Variants in TINAG observed in about 807,000 individuals in gnomAD.
TINAG encodes the protein tubulointerstitial nephritis antigen.
TINAG carries 83 observed loss-of-function variants against 72.7 expected under a neutral mutation model. That is an observed-to-expected ratio of 1.14 (90% CI 0.96 to 1.37). The LOEUF (loss-of-function observed/expected upper bound fraction) is 1.37, where lower values mean the gene tolerates loss of function less well. Ranked by LOEUF, TINAG falls within the 40% of genes most tolerant of loss-of-function variation. The probability of loss-of-function intolerance (pLI) is 0.00; values close to 1 mark genes in which losing one functional copy is unlikely to be tolerated. For missense variants in TINAG, 685 were observed against 576.6 expected, an observed-to-expected ratio of 1.19 and a Z score of -1.93; for synonymous variants, 234 against 189.9, an observed-to-expected ratio of 1.23 and a Z score of -1.91.
At chr6:54,371,205 T>C (rs573497547) in intron 9 of TINAG, among the ~76,000 whole-genome samples, 7 of 151,872 alleles carry the variant, frequency 4.6e-5, no homozygotes, top group Non-Finnish European at 1.0e-4. Flanking sequence ...TGTGAAGGAA[T>C]GCTTTATAGC....
intron 10 of TINAG, among the ~76,000 whole-genome samples, chr6:54,381,493 T>C (rs779452045): frequency 6.6e-6 from 1 of 152,046 alleles, no homozygotes; most frequent in Non-Finnish European, 1.5e-5. Flanking sequence ...AGAATGACTC[T>C]TGGTATATTT....
chr6:54,384,841 A>T (rs1446107563), intron 10 of TINAG, among the ~76,000 whole-genome samples: 1 of 152,210 alleles, frequency 6.6e-6, no homozygotes, highest in Non-Finnish European at 1.5e-5. Context: ...GCTTTATGTC[A>T]TTGAAATTCA....
intron 9 of TINAG, among the ~76,000 whole-genome samples, chr6:54,356,813 G>A (rs760928379): frequency 6.6e-6 from 1 of 151,062 alleles, no homozygotes; most frequent in Admixed American, 6.6e-5. Flanking sequence ...TAGACTCCAG[G>A]CCCTCTTAGC....
In TINAG at chr6:54,390,123, C is replaced by T. The variant is rs1319783049; in HGVS notation, c.*198C>T. On this transcript the variant is annotated 3_prime_UTR_variant, in exon 11 of 11. Transcript: ENST00000259782. ...GAGCATTAACAACACCAATAAAGGA[C>T]AGCAGAGTCCCTAAATGTCTTTAAA... The T allele has an allele frequency of 1.1e-5, 7 of 649,278 alleles. No homozygotes were observed. Among genetic ancestry groups the T allele is most frequent in the African/African-American group, 7.7e-5 (4 of 51,802 alleles). 40.2% of individuals were successfully genotyped at this position (649,278 alleles called of 1,614,324 possible). A position where few individuals can be genotyped will look rare whatever the true frequency, so the allele number is the denominator to read the frequency against.
intron 9 of TINAG, among the ~76,000 whole-genome samples, chr6:54,369,137 G>A (rs1763527948): frequency 6.6e-6 from 1 of 151,848 alleles, no homozygotes; most frequent in South Asian, 2.1e-4. Flanking sequence ...AAGAAAATTT[G>A]AAACATGAGC....
intron 9 of TINAG, among the ~76,000 whole-genome samples, chr6:54,375,565 C>A (rs914245338): frequency 4.6e-5 from 7 of 152,136 alleles, no homozygotes; most frequent in African/African-American, 1.7e-4. Flanking sequence ...AATTGGCCAA[C>A]AAATTCCATC....
intron 7 of TINAG, among the ~76,000 whole-genome samples, chr6:54,350,962 T>C (rs139811981): frequency 6.6e-6 from 1 of 151,942 alleles, no homozygotes; most frequent in Non-Finnish European, 1.5e-5. Flanking sequence ...AGGGCTTCAT[T>C]AAACATTAGG....
At chr6:54,313,726 A>G (rs193077335) in intron 1 of TINAG, among the ~76,000 whole-genome samples, 272 of 152,236 alleles carry the variant, frequency 1.8e-3, no homozygotes, top group Non-Finnish European at 2.4e-3. Context: ...TTTAAATTTT[A>G]TTTCAAATTT....
At position 54,354,527 on chromosome 6, in the gene TINAG, C is replaced by T. The variant is rs754165258; in HGVS notation, c.1141C>T (p.Arg381Cys). ...NGPVQAIMQV[R>C]EDFFHYKTGI... ...TTTTATTTTAGCCATAATGCAAGTC[C>T]GTGAAGATTTCTTCCATTATAAGAC... Residue 381 changes from arginine to cysteine, a missense_variant, in exon 9 of 11, where the codon CGT becomes TGT. By Grantham distance (180) the Arg-to-Cys change is radical (BLOSUM62 -3). Transcript: ENST00000259782. The T allele has an allele frequency of 1.1e-5, 18 of 1,604,260 alleles. No homozygotes were observed. In the East Asian group the frequency reaches 1.8e-4, roughly 16 times the overall value.
At chr6:54,380,419 C>T in intron 9 of TINAG, 107 bp from the exon 10 acceptor site, 1 of 873,420 alleles carries the variant, frequency 1.1e-6, no homozygotes, top group Non-Finnish European at 1.8e-6. Context: ...CAGGATGGGA[C>T]AGAGAGAAAG....
At chr6:54,364,252 G>T (rs1188235439) in intron 9 of TINAG, among the ~76,000 whole-genome samples, 1 of 151,406 alleles carries the variant, frequency 6.6e-6, no homozygotes, top group Non-Finnish European at 1.5e-5. Context: ...CTGCTCATCT[G>T]TATGCAAAGA....
At chr6:54,377,726 A>G (rs965639447) in intron 9 of TINAG, among the ~76,000 whole-genome samples, 5 of 152,100 alleles carry the variant, frequency 3.3e-5, no homozygotes, top group Non-Finnish European at 7.4e-5. Flanking sequence ...GTGAAAATAT[A>G]TGCATATTTC....
At chr6:54,349,264 A>G (rs1785203243) in intron 6 of TINAG, among the ~76,000 whole-genome samples, 1 of 151,990 alleles carries the variant, frequency 6.6e-6, no homozygotes, top group Admixed American at 6.6e-5. Flanking sequence ...ACAAAACAAA[A>G]TAAAAACTTT....
intron 8 of TINAG, among the ~76,000 whole-genome samples, chr6:54,352,318 G>T (rs1207291513): frequency 2.0e-5 from 3 of 151,728 alleles, no homozygotes; most frequent in Non-Finnish European, 2.9e-5. Context: ...CAGGAATCAT[G>T]GATTTTATAA....
chr6:54,389,616 A>C (rs1024524024), intron 10 of TINAG, among the ~76,000 whole-genome samples, 175 bp from the exon 11 acceptor site: 1 of 152,198 alleles, frequency 6.6e-6, no homozygotes, highest in African/African-American at 2.4e-5. Flanking sequence ...TCATTCCTGC[A>C]TATTAGTGTA....
intron 9 of TINAG, among the ~76,000 whole-genome samples, chr6:54,362,672 A>G (rs1048685662): frequency 6.6e-6 from 1 of 151,624 alleles, no homozygotes; most frequent in South Asian, 2.1e-4. Context: ...ATAAGGCTAT[A>G]CCTGCCATAG....
At chr6:54,335,625 A>T (rs1784840112) in intron 4 of TINAG, among the ~76,000 whole-genome samples, 1 of 152,170 alleles carries the variant, frequency 6.6e-6, no homozygotes, top group Non-Finnish European at 1.5e-5. Context: ...GTTGAACTGG[A>T]AGCTTTGGAA....
chr6:54,323,580 A>G (rs1784539818), intron 3 of TINAG, among the ~76,000 whole-genome samples: 1 of 152,182 alleles, frequency 6.6e-6, no homozygotes, highest in South Asian at 2.1e-4. Context: ...GTGCTTATTT[A>G]TTCTCTGTAT....
intron 4 of TINAG, among the ~76,000 whole-genome samples, chr6:54,333,616 TAAAAA>T (rs1311589916): frequency 7.2e-6 from 1 of 138,134 alleles, no homozygotes; most frequent in Admixed American, 7.0e-5. Context: ...TGAAGTATAA[TAAAAA>T]AAAAAAAAAT....
Sources: allele counts gnomAD v4.1 joint callset (sites outside exome capture counted in the v4.1 genomes callset), GRCh38; gene constraint gnomAD v4.1.1; transcripts MANE v1.5; gene names NCBI Gene and HGNC (gene_info 2026-07-23, HGNC 2026-07-21).